Variants in C21orf58 observed in about 807,000 individuals in gnomAD.
The protein encoded by C21orf58 is uncharacterized protein C21orf58.
Under a neutral mutation model 35.8 loss-of-function variants are expected in C21orf58, and 34 were observed. The ratio of observed to expected loss-of-function variants is 0.95; its 90% confidence interval spans 0.72 to 1.26. The LOEUF (loss-of-function observed/expected upper bound fraction) is 1.26, where lower values mean the gene tolerates loss of function less well. C21orf58 is among the 50% of genes most tolerant of loss of function. The probability of loss-of-function intolerance (pLI) is 0.00; values close to 1 mark genes in which losing one functional copy is unlikely to be tolerated. For synonymous variants in C21orf58, 191 were observed against 175.8 expected (o/e 1.09, Z -0.68); for missense variants, 440 against 414.3 (o/e 1.06, Z -0.54).
downstream of C21orf58, chr21:46,300,710 G>C: frequency 7.8e-7 from 1 of 1,286,606 alleles, no homozygotes. Flanking sequence ...TGGTCATCCT[G>C]TCTCCTACCT....
chr21:46,320,684 G>A (rs2083126307), intron 1 of C21orf58: 1 of 152,148 alleles, frequency 6.6e-6, no homozygotes, highest in Non-Finnish European at 1.5e-5. Context: ...CCAGGTCAAA[G>A]TGGCCGTTTT....
intron 5 of C21orf58, among the ~76,000 whole-genome samples, chr21:46,312,805 A>G (rs1381832800): frequency 6.6e-6 from 1 of 152,212 alleles, no homozygotes; most frequent in African/African-American, 2.4e-5. Context: ...CCGCATCCCA[A>G]CAGGCGTTCT....
intron 1 of C21orf58, among the ~76,000 whole-genome samples, chr21:46,321,139 A>G (rs2083140441): frequency 6.6e-6 from 1 of 152,078 alleles, no homozygotes; most frequent in African/African-American, 2.4e-5. Context: ...TCTTATTAAC[A>G]TCTTACCTTA....
At chr21:46,303,731 A>AT (rs2082256070) in intron 6 of C21orf58, among the ~76,000 whole-genome samples, 1 of 28,430 alleles carries the variant, frequency 3.5e-5, no homozygotes, top group Non-Finnish European at 6.6e-5. Flanking sequence ...ATATATATAT[A>AT]TATATATATA....
chr21:46,320,362 A>C (rs911618626), intron 1 of C21orf58, among the ~76,000 whole-genome samples: 4 of 151,856 alleles, frequency 2.6e-5, no homozygotes, highest in African/African-American at 7.3e-5. Context: ...TTGGCCTCCC[A>C]AAGTGCTAGG....
chr21:46,322,389 A>G (rs1287022703), intron 1 of C21orf58: 2 of 970,210 alleles, frequency 2.1e-6, no homozygotes, highest in African/African-American at 3.5e-5. Flanking sequence ...TGAGGAACAC[A>G]GTCTAGGCAA....
chr21:46,322,478 G>T (rs1569143056), intron 1 of C21orf58, 161 bp downstream of exon 1: 4 of 985,212 alleles, frequency 4.1e-6, no homozygotes, highest in African/African-American at 1.7e-5. Context: ...GCGCGGTCTG[G>T]GTCTCTGTTC....
chr21:46,322,743 C>T lies in C21orf58; in HGVS notation c.-5G>A, dbSNP rs1194502742. The T allele has an allele frequency of 4.7e-6, 7 of 1,492,932 alleles. No individual in the cohort carries two copies. The highest frequency in any genetic ancestry group is 6.3e-6 in the Non-Finnish European group (7 of 1,115,608). The allele number at this position is 1,492,932 out of a possible 1,614,324, so 92.5% of individuals were successfully genotyped here. On this transcript the variant is annotated 5_prime_UTR_variant, in exon 1 of 8. Coordinates refer to ENST00000291691, the MANE Select transcript of C21orf58 (RefSeq NM_058180.5). ...AGGGAGCCGAGATCGCGCCATTGCGCTATAGCCTGGGCGTCGCAGCGAGAC... is the reference window on the plus strand; with the variant it reads ...AGGGAGCCGAGATCGCGCCATTGCGTTATAGCCTGGGCGTCGCAGCGAGAC...
chr21:46,323,840 GC>G lies in C21orf58; in HGVS notation c.-1103del, dbSNP rs1051798052. 16 of 364,788 alleles carry G rather than the reference GC, an allele frequency of 4.4e-5. No homozygotes were observed. Among genetic ancestry groups the G allele is most frequent in the Non-Finnish European group, 8.4e-5 (16 of 190,384 alleles). The allele number at this position is 364,788 out of a possible 1,614,324, so 22.6% of individuals were successfully genotyped here. ...CTGGTGGACACAAAGCCCAGGGGCCGCCCGCGCGGGACCAGCAGCGCGAACT... is the reference window on the plus strand; with the variant it reads ...CTGGTGGACACAAAGCCCAGGGGCCGCCGCGCGGGACCAGCAGCGCGAACT... On this transcript the variant is annotated 5_prime_UTR_variant, in exon 1 of 8. Coordinates refer to ENST00000291691, the MANE Select transcript of C21orf58 (RefSeq NM_058180.5).
At chr21:46,304,204 G>GT (rs2082314615) in intron 6 of C21orf58, among the ~76,000 whole-genome samples, 1 of 150,962 alleles carries the variant, frequency 6.6e-6, no homozygotes, top group Non-Finnish European at 1.5e-5. Flanking sequence ...TTTTGTTTTT[G>GT]TATTTTTAGT....
intron 6 of C21orf58, among the ~76,000 whole-genome samples, chr21:46,305,435 TCCC>T (rs2082370856): frequency 1.3e-5 from 2 of 149,390 alleles, no homozygotes; most frequent in African/African-American, 4.9e-5. Flanking sequence ...GCTCAAGGGA[TCCC>T]CCCATCTCAT....
chr21:46,303,708 AATATAT>A (rs1356861977), intron 6 of C21orf58, among the ~76,000 whole-genome samples: 78 of 37,242 alleles, frequency 2.1e-3, no homozygotes, highest in African/African-American at 3.8e-3. Context: ...ACACACACAA[AATATAT>A]ATATATATAT....
Position 46,302,151 on chromosome 21 carries a change from G to T in C21orf58, c.817C>A (p.Pro273Thr). 6.7e-7 allele frequency: 1 copy of T among 1,487,176 alleles called. No individual in the cohort carries two copies. 92.1% of individuals were successfully genotyped at this position (1,487,176 alleles called of 1,614,324 possible). The change falls in exon 8 of 8, where the codon CCG becomes ACG. Residue 273 changes from proline (P) to threonine (T), a missense_variant. Transcript: ENST00000291691. The part of the protein sequence containing the change: ...LKALPPALQD[P>T]PHVPPRVPRA... ...GGGACCCTCGGGGGCACATGTGGCG[G>T]GTCCTGCCACAGACGCACCTGCTGC...
At chr21:46,310,725 G>A (rs550605307) in intron 6 of C21orf58, among the ~76,000 whole-genome samples, 1 of 151,660 alleles carries the variant, frequency 6.6e-6, no homozygotes, top group Non-Finnish European at 1.5e-5. Context: ...AGGAGAAGTC[G>A]CTTGAACCCA....
Position 46,316,362 on chromosome 21 carries a change from A to T in C21orf58, c.371-815T>A, listed in dbSNP as rs903402828. On this transcript the variant is annotated intron_variant, in intron 3 of 7. Coordinates refer to ENST00000291691, the MANE Select transcript of C21orf58 (RefSeq NM_058180.5). ...TCTCAGCTACTCGGGAGGCTGAGGC[A>T]CAAGAATTGTTTGAACCTCAGAGGC... 2.4e-4 allele frequency among the ~76,000 whole-genome samples: 36 copies of T among 152,120 alleles called. 1 individual carries two copies. Among genetic ancestry groups the T allele is most frequent in the Non-Finnish European group, 7.4e-5 (5 of 68,024 alleles).
At position 46,302,171 on chromosome 21, in the gene C21orf58, T is replaced by C; in HGVS notation, c.814-17A>G. ...TGGCGGGTCCTGCCACAGACGCACC[T>C]GCTGCTTAGGACGCAGCCCAGGCTG... On this transcript the variant is annotated splice_polypyrimidine_tract_variant and intron_variant, in intron 7 of 7. Coordinates refer to ENST00000291691, the MANE Select transcript of C21orf58 (RefSeq NM_058180.5). 1 of 1,464,954 alleles carries C rather than the reference T, an allele frequency of 6.8e-7. No homozygotes were observed. The highest frequency in any genetic ancestry group is 9.0e-7 in the Non-Finnish European group (1 of 1,106,536). 90.7% of individuals were successfully genotyped at this position (1,464,954 alleles called of 1,614,324 possible). A position where few individuals can be genotyped will look rare whatever the true frequency, so the allele number is the denominator to read the frequency against.
At chr21:46,316,720 G>A (rs1398579052) in intron 3 of C21orf58, among the ~76,000 whole-genome samples, 1 of 152,248 alleles carries the variant, frequency 6.6e-6, no homozygotes, top group East Asian at 1.9e-4. Context: ...TTTTCTCTCT[G>A]TATTTGAGAC....
chr21:46,315,328 T>C, intron 4 of C21orf58, 146 bp downstream of exon 4: 1 of 631,562 alleles, frequency 1.6e-6, no homozygotes, highest in Non-Finnish European at 2.8e-6. Flanking sequence ...GGCAGGTCTC[T>C]AAGCTAACAG....
At chr21:46,321,164 T>TTATA (rs200340794) in intron 1 of C21orf58, among the ~76,000 whole-genome samples, 36 of 139,190 alleles carry the variant, frequency 2.6e-4, no homozygotes, top group Non-Finnish European at 5.1e-4. Flanking sequence ...GCTACATATG[T>TTATA]TATATATATA....
Sources: allele counts gnomAD v4.1 joint callset (sites outside exome capture counted in the v4.1 genomes callset), GRCh38; gene constraint gnomAD v4.1.1; transcripts MANE v1.5; gene names NCBI Gene and HGNC (gene_info 2026-07-23, HGNC 2026-07-21).